Variants in HEMK2 observed in about 807,000 individuals in gnomAD.
HEMK2 encodes HemK methyltransferase 2, ETF1 glutamine and histone H4 lysine.
the HEMK2 span, among the ~76,000 whole-genome samples, chr21:28,844,982 T>C: frequency 4.6e-5 from 7 of 152,080 alleles, no homozygotes; most frequent in Admixed American, 2.6e-4. Context: ...CTTTGTGACA[T>C]CAAGGTTCAA....
At chr21:28,729,653 C>T in the HEMK2 span, among the ~76,000 whole-genome samples, 14 of 144,044 alleles carry the variant, frequency 9.7e-5, no homozygotes, top group South Asian at 3.0e-3. Flanking sequence ...AAAAAAATCA[C>T]AAAAAAATTT....
the HEMK2 span, among the ~76,000 whole-genome samples, chr21:28,690,858 T>C: frequency 6.6e-6 from 1 of 152,184 alleles, no homozygotes; most frequent in Non-Finnish European, 1.5e-5. Context: ...TTACAGTCCA[T>C]CTGTGTAAAA....
At chr21:28,879,862 T>C in the HEMK2 span, 2,092 of 1,543,424 alleles carry the variant, frequency 1.4e-3, 29 homozygotes, top group African/African-American at 0.026. Flanking sequence ...TTTTGTTGTA[T>C]GTTTTACCTC....
chr21:28,806,579 G>A, the HEMK2 span, among the ~76,000 whole-genome samples: 2 of 152,136 alleles, frequency 1.3e-5, no homozygotes, highest in Non-Finnish European at 2.9e-5. Context: ...GTAAAAAGGA[G>A]GTATTGGGCA....
the HEMK2 span, among the ~76,000 whole-genome samples, chr21:28,877,316 GAA>G: frequency 7.5e-6 from 1 of 133,944 alleles, no homozygotes; most frequent in African/African-American, 2.8e-5. Context: ...GAGAAAGAGA[GAA>G]AGAAAGAAAA....
the HEMK2 span, among the ~76,000 whole-genome samples, chr21:28,855,988 A>G: frequency 6.8e-6 from 1 of 147,524 alleles, no homozygotes; most frequent in Non-Finnish European, 1.5e-5. Context: ...AACTAGCAGA[A>G]GACAAAAAAT....
the HEMK2 span, among the ~76,000 whole-genome samples, chr21:28,579,331 T>G: frequency 6.6e-6 from 1 of 152,234 alleles, no homozygotes; most frequent in African/African-American, 2.4e-5. Flanking sequence ...CACGTGCATA[T>G]GTATTTAAGA....
the HEMK2 span, among the ~76,000 whole-genome samples, chr21:28,736,178 T>C: frequency 6.6e-6 from 1 of 152,212 alleles, no homozygotes; most frequent in Non-Finnish European, 1.5e-5. Flanking sequence ...TGCCTTATGA[T>C]AGCTCTTGCT....
chr21:28,578,449 T>G, the HEMK2 span, among the ~76,000 whole-genome samples: 2 of 152,166 alleles, frequency 1.3e-5, no homozygotes, highest in Non-Finnish European at 2.9e-5. Context: ...CAGACGATAT[T>G]GACAGTACTT....
the HEMK2 span, among the ~76,000 whole-genome samples, chr21:28,824,710 T>C: frequency 2.0e-5 from 3 of 152,206 alleles, no homozygotes; most frequent in East Asian, 5.8e-4. Flanking sequence ...GCCTATTCAA[T>C]ACTAAAAATT....
chr21:28,740,495 A>G, the HEMK2 span, among the ~76,000 whole-genome samples: 1 of 152,214 alleles, frequency 6.6e-6, no homozygotes, highest in Non-Finnish European at 1.5e-5. Context: ...GGCAATAGTG[A>G]TTGTTTATGA....
chr21:28,586,118 C>A, the HEMK2 span, among the ~76,000 whole-genome samples: 1 of 152,122 alleles, frequency 6.6e-6, no homozygotes, highest in African/African-American at 2.4e-5. Context: ...AGAAATGGTG[C>A]ATTTGCAATA....
At chr21:28,713,443 C>A in the HEMK2 span, among the ~76,000 whole-genome samples, 83,632 of 151,530 alleles carry the variant, frequency 0.55, 25,603 homozygotes, top group East Asian at 0.84. Context: ...GACTCTCAGG[C>A]CTCCCTCACT....
the HEMK2 span, among the ~76,000 whole-genome samples, chr21:28,784,822 G>C: frequency 1.3e-5 from 2 of 152,350 alleles, no homozygotes; most frequent in African/African-American, 2.4e-5. Flanking sequence ...CAGGCTGCCA[G>C]AGCCAGGAGT....
chr21:28,605,249 C>T, the HEMK2 span, among the ~76,000 whole-genome samples: 2 of 152,192 alleles, frequency 1.3e-5, no homozygotes, highest in African/African-American at 2.4e-5. Context: ...TCACTGAGCT[C>T]AACTGCACAC....
chr21:28,831,771 G>GAA, the HEMK2 span, among the ~76,000 whole-genome samples: 9 of 144,628 alleles, frequency 6.2e-5, no homozygotes, highest in African/African-American at 2.1e-4. Flanking sequence ...AAGAAAGAAA[G>GAA]AAACAGTATC....
the HEMK2 span, chr21:28,885,329 A>C: frequency 6.3e-7 from 1 of 1,582,294 alleles, no homozygotes; most frequent in Non-Finnish European, 8.6e-7. Flanking sequence ...CGGCGTAGCG[A>C]AGTTCTCCCC....
At chr21:28,608,725 G>A in the HEMK2 span, among the ~76,000 whole-genome samples, 102 of 152,328 alleles carry the variant, frequency 6.7e-4, 1 homozygote, top group Non-Finnish European at 1.2e-3. Flanking sequence ...CACAGTGGGA[G>A]TGACACTGGC....
At chr21:28,835,531 A>G in the HEMK2 span, among the ~76,000 whole-genome samples, 1 of 152,174 alleles carries the variant, frequency 6.6e-6, no homozygotes, top group Non-Finnish European at 1.5e-5. Context: ...GCCTACCCAA[A>G]TGAGAAGGAA....
Sources: gnomAD v4.1 joint callset for allele counts (sites outside exome capture counted in the v4.1 genomes callset) on GRCh38, gnomAD v4.1.1 for gene constraint, MANE v1.5 for transcripts, NCBI Gene and HGNC (gene_info 2026-07-23, HGNC 2026-07-21) for gene names.